The following CSMD3 variants were observed in gnomAD, a reference collection of about 807,000 sequenced individuals.
CSMD3 encodes the protein CUB and Sushi multiple domains 3.
Under a neutral mutation model 435.2 loss-of-function variants are expected in CSMD3, and 177 were observed. The observed-to-expected ratio is 0.41, with a 90% CI of 0.36 to 0.46. The LOEUF (loss-of-function observed/expected upper bound fraction) is 0.46. Ranked by LOEUF, CSMD3 falls within the 20% of genes least tolerant of loss-of-function variation. The pLI is 0.34. For synonymous variants in CSMD3, 1,656 were observed against 1,520.5 expected, an observed-to-expected ratio of 1.09 and a Z score of -2.07; for missense variants, 4,265 against 4,504.6, an observed-to-expected ratio of 0.95 and a Z score of 1.52.
In CSMD3 at chr8:113,138,637, C is replaced by A. The variant is rs144720918; in HGVS notation, c.709+35085G>T. ...GGATAAAAGACCTGAAAGAATATTG[C>A]AAATTCATAAGGGGTTGTGTTATCG... On this transcript the variant is annotated intron_variant, in intron 4 of 70. Coordinates refer to ENST00000297405, the MANE Select transcript of CSMD3 (RefSeq NM_198123.2). Among the ~76,000 whole-genome samples, 1,403 of 151,226 alleles carry A rather than the reference C, an allele frequency of 9.3e-3. 13 individuals carry two copies. The highest frequency in any genetic ancestry group is 0.033 in the African/African-American group (1,350 of 41,406).
chr8:112,271,303 C>T (rs375243150), intron 59 of CSMD3, among the ~76,000 whole-genome samples: 3 of 152,044 alleles, frequency 2.0e-5, no homozygotes, highest in Non-Finnish European at 2.9e-5. Context: ...TACAAATGGT[C>T]GTTTCATTAA....
At chr8:112,825,751 C>T (rs2079659021) in intron 12 of CSMD3, among the ~76,000 whole-genome samples, 2 of 152,222 alleles carry the variant, frequency 1.3e-5, no homozygotes, top group African/African-American at 4.8e-5. Context: ...TATCTGATGC[C>T]AGTAGGAACA....
chr8:113,323,608 T>C (rs1390994573), intron 1 of CSMD3, among the ~76,000 whole-genome samples: 2 of 152,168 alleles, frequency 1.3e-5, no homozygotes, highest in East Asian at 3.9e-4. Flanking sequence ...ATAAAAAGTA[T>C]CTTTTTCACT....
rs955803549 is a variant in CSMD3 at position 113,077,523 on chromosome 8, G to A, written c.917+21233C>T. ...TCCAGACAAGCCTGATCAACATGGCGAAACCCCATCTCTACTAAAAATACA... is the reference window on the plus strand; with the variant it reads ...TCCAGACAAGCCTGATCAACATGGCAAAACCCCATCTCTACTAAAAATACA... On this transcript the variant is annotated intron_variant, in intron 5 of 70. Coordinates refer to ENST00000297405, the MANE Select transcript of CSMD3 (RefSeq NM_198123.2). Among the ~76,000 whole-genome samples the A allele has an allele frequency of 8.5e-5, 13 of 152,110 alleles. 1 individual carries two copies. The highest frequency in any genetic ancestry group is 3.1e-4 in the African/African-American group (13 of 41,512).
intron 1 of CSMD3, among the ~76,000 whole-genome samples, chr8:113,315,875 C>T (rs1323167135): frequency 3.3e-5 from 5 of 151,628 alleles, no homozygotes; most frequent in African/African-American, 1.2e-4. Flanking sequence ...TGCACCACCA[C>T]GCCCGGCTAA....
At chr8:112,421,004 T>C (rs566219333) in intron 32 of CSMD3, among the ~76,000 whole-genome samples, 2 of 152,246 alleles carry the variant, frequency 1.3e-5, no homozygotes, top group South Asian at 4.1e-4. Flanking sequence ...CAAAGTTCCA[T>C]TTACTAAGGG....
At chr8:112,409,297 A>T (rs1457814501) in intron 32 of CSMD3, among the ~76,000 whole-genome samples, 2 of 152,072 alleles carry the variant, frequency 1.3e-5, no homozygotes, top group Non-Finnish European at 2.9e-5. Context: ...ATAGCATTTA[A>T]TTTGGATCAG....
At chr8:112,706,317 T>C (rs868075689) in intron 13 of CSMD3, among the ~76,000 whole-genome samples, 14 of 152,130 alleles carry the variant, frequency 9.2e-5, no homozygotes, top group African/African-American at 2.2e-4. Flanking sequence ...CAATTTATTA[T>C]TGCCTACTAA....
intron 3 of CSMD3, among the ~76,000 whole-genome samples, chr8:113,271,159 A>C (rs2093522286): frequency 6.6e-6 from 1 of 152,102 alleles, no homozygotes. Flanking sequence ...CAGAGCAAAA[A>C]AGTTCAGAAA....
At chr8:112,401,326 A>AT (rs200694200) in intron 35 of CSMD3, among the ~76,000 whole-genome samples, 33 of 150,956 alleles carry the variant, frequency 2.2e-4, no homozygotes, top group East Asian at 3.9e-4. Context: ...CTATTTTGCT[A>AT]TTTTTTTTTA....
At chr8:112,400,539 C>A (rs561223730) in intron 35 of CSMD3, among the ~76,000 whole-genome samples, 1 of 152,280 alleles carries the variant, frequency 6.6e-6, no homozygotes, top group Admixed American at 6.5e-5. Flanking sequence ...ACTGCTGGAT[C>A]TCTGACAGAG....
At chr8:112,436,157 G>A (rs553793795) in intron 32 of CSMD3, among the ~76,000 whole-genome samples, 262 of 151,916 alleles carry the variant, frequency 1.7e-3, no homozygotes, top group African/African-American at 6.0e-3. Context: ...AATTGAACTA[G>A]AACCTAAGAA....
intron 3 of CSMD3, among the ~76,000 whole-genome samples, chr8:113,217,559 A>G (rs1374373947): frequency 6.6e-6 from 1 of 151,788 alleles, no homozygotes; most frequent in Non-Finnish European, 1.5e-5. Flanking sequence ...AAAATTAACT[A>G]TCTGAAATGA....
At chr8:112,537,315 A>C (rs931862822) in intron 27 of CSMD3, among the ~76,000 whole-genome samples, 1 of 151,866 alleles carries the variant, frequency 6.6e-6, no homozygotes, top group Non-Finnish European at 1.5e-5. Flanking sequence ...CAAATTAACA[A>C]TCTGATGCTC....
At chr8:113,364,598 C>G (rs1020726077) in intron 1 of CSMD3, among the ~76,000 whole-genome samples, 3 of 151,918 alleles carry the variant, frequency 2.0e-5, no homozygotes, top group Non-Finnish European at 4.4e-5. Flanking sequence ...AATCTCTAAA[C>G]GATACCAGTT....
intron 56 of CSMD3, among the ~76,000 whole-genome samples, chr8:112,290,759 T>C (rs1022400583): frequency 1.3e-5 from 2 of 152,014 alleles, no homozygotes; most frequent in African/African-American, 4.8e-5. Flanking sequence ...GTCTATGAAA[T>C]TGTTCTTCTC....
At chr8:112,322,060 G>A (rs925851277) in intron 45 of CSMD3, among the ~76,000 whole-genome samples, 9 of 152,098 alleles carry the variant, frequency 5.9e-5, no homozygotes, top group African/African-American at 2.2e-4. Flanking sequence ...CTTTAGAGAA[G>A]GCTTTGTCTG....
At chr8:113,176,000 A>G (rs1468940606) in intron 3 of CSMD3, among the ~76,000 whole-genome samples, 1 of 152,108 alleles carries the variant, frequency 6.6e-6, no homozygotes, top group Non-Finnish European at 1.5e-5. Context: ...AAATAAATGT[A>G]TCCAGAATAA....
At chr8:113,001,577 A>G (rs1181125267) in intron 6 of CSMD3, among the ~76,000 whole-genome samples, 1 of 152,004 alleles carries the variant, frequency 6.6e-6, no homozygotes, top group African/African-American at 2.4e-5. Context: ...ATTATTCTCT[A>G]TTCCAGCCCC....
Sources: gnomAD v4.1 joint callset for allele counts (sites outside exome capture counted in the v4.1 genomes callset) on GRCh38, gnomAD v4.1.1 for gene constraint, MANE v1.5 for transcripts, NCBI Gene and HGNC (gene_info 2026-07-23, HGNC 2026-07-21) for gene names.